RPGR: variants seen among roughly 807,000 people sequenced by gnomAD.
RPGR encodes X-linked retinitis pigmentosa GTPase regulator.
A neutral mutation model predicts 56.3 loss-of-function variants in RPGR; 10 were observed. The ratio of observed to expected loss-of-function variants is 0.18; its 90% CI spans 0.11 to 0.30. The LOEUF (loss-of-function observed/expected upper bound fraction) is 0.30. RPGR is among the 10% of genes least tolerant of loss of function. The probability of loss-of-function intolerance (pLI) is 1.00; values close to 1 mark genes in which losing one functional copy is unlikely to be tolerated. For missense variants in RPGR, 538 were observed against 590.9 expected (o/e 0.91, Z 0.93); for synonymous variants, 197 against 212.9 (o/e 0.93, Z 0.65).
At chrX:38,320,912 C>T (rs761181861) in intron 4 of RPGR, 115 bp downstream of exon 4, 2 of 587,203 alleles carry the variant, frequency 3.4e-6, no homozygotes, top group African/African-American at 2.3e-5. Flanking sequence ...TTTAAAAAAC[C>T]CTAATTTTAC....
intron 7 of RPGR, among the ~76,000 whole-genome samples, chrX:38,309,027 CTG>C (rs1312075150): frequency 8.0e-5 from 9 of 112,184 alleles, no homozygotes; most frequent in African/African-American, 2.9e-4. Context: ...ACTTCACAAA[CTG>C]TTAATTTTTT....
intron 16 of RPGR, among the ~76,000 whole-genome samples, chrX:38,275,998 T>A (rs779910701): frequency 8.9e-6 from 1 of 112,099 alleles, no homozygotes; most frequent in South Asian, 3.8e-4. Flanking sequence ...CCTAGCAAGG[T>A]CACTCTCAGT....
chrX:38,287,784 T>G, intron 14 of RPGR, 77 bp downstream of exon 14: 1 of 939,258 alleles, frequency 1.1e-6, no homozygotes, highest in Non-Finnish European at 1.5e-6. Flanking sequence ...CATTATTATT[T>G]TCATGTCTAT....
Position 38,301,648 on chromosome X carries a change from A to G in RPGR, c.935-277T>C, listed in dbSNP as rs140825561. 0.032 allele frequency among the ~76,000 whole-genome samples: 3,536 copies of G among 111,507 alleles called. 156 individuals carry two copies. Among genetic ancestry groups the G allele is most frequent in the African/African-American group, 0.11 (3,355 of 30,548 alleles). ...GCAGTGTGTGGAGCAGCAGCAATACAGAATGAGAATTTGAGATACACATCA... is the reference window on the plus strand; with the variant it reads ...GCAGTGTGTGGAGCAGCAGCAATACGGAATGAGAATTTGAGATACACATCA... On this transcript the variant is annotated intron_variant, in intron 8 of 18. Transcript: ENST00000642395.
At chrX:38,327,302 C>T in intron 1 of RPGR, 38 bp downstream of exon 1, 3 of 1,166,610 alleles carry the variant, frequency 2.6e-6, no homozygotes, top group Non-Finnish European at 3.4e-6. Flanking sequence ...GCGGACCCTC[C>T]CTCCCGGCCT....
chrX:38,321,036 C>A lies in RPGR; in HGVS notation c.301G>T (p.Val101Leu). The A allele has an allele frequency of 8.3e-7, 1 of 1,204,735 alleles. No individual in the cohort carries two copies. The highest frequency in any genetic ancestry group is 1.1e-6 in the Non-Finnish European group (1 of 889,085). ...AGGTTGAGCACTATACCTGTTGACA[C>A]CAGGGTGTGGTTCCTTCCACAGGCA... Residue 101 changes from valine (V) to leucine (L), a missense_variant, in exon 4 of 19, where the codon GTG (valine) becomes TTG (leucine). By Grantham distance (32) the Val-to-Leu change is conservative. Transcript: ENST00000642395.
chrX:38,323,565 T>A (rs1473405789), intron 1 of RPGR, 41 bp from the exon 2 acceptor site: 1 of 1,188,525 alleles, frequency 8.4e-7, no homozygotes, highest in Non-Finnish European at 1.1e-6. Context: ...ACTTTTACTA[T>A]GTTGCCTGTT....
chrX:38,275,482 A>G (rs1037904397), intron 16 of RPGR, among the ~76,000 whole-genome samples: 2 of 112,266 alleles, frequency 1.8e-5, no homozygotes, highest in Non-Finnish European at 3.8e-5. Flanking sequence ...AAATAATCTT[A>G]AGGACCACCC....
At chrX:38,316,997 C>G (rs190677143) in intron 6 of RPGR, among the ~76,000 whole-genome samples, 3 of 110,975 alleles carry the variant, frequency 2.7e-5, no homozygotes, top group Non-Finnish European at 5.7e-5. Context: ...AATATTTTAA[C>G]TAAGACAGAA....
chrX:38,277,348 G>A (rs973429881), intron 15 of RPGR, among the ~76,000 whole-genome samples: 5 of 111,739 alleles, frequency 4.5e-5, no homozygotes, highest in African/African-American at 1.6e-4. Flanking sequence ...CTGGCTACTG[G>A]CCAGCTAATC....
intron 7 of RPGR, among the ~76,000 whole-genome samples, chrX:38,306,762 A>C (rs975825420): frequency 8.0e-5 from 9 of 112,354 alleles, no homozygotes; most frequent in Admixed American, 5.7e-4. Context: ...CTGTGAAATG[A>C]GGCTGTTTAG....
rs1391249160 is a variant in RPGR, at chrX:38,315,836, T to TAG, written c.619+1479_619+1480insCT. 8.2e-3 allele frequency among the ~76,000 whole-genome samples: 713 copies of TAG among 86,856 alleles called. 5 individuals carry two copies. The highest frequency in any genetic ancestry group is 0.031 in the African/African-American group (642 of 20,863). 75.4% of individuals were successfully genotyped at this position (86,856 alleles called of 115,157 possible). On this transcript the variant is annotated intron_variant, in intron 6 of 18. Transcript: ENST00000642395. The stretch of plus-strand genomic sequence containing the variant: ...ATATATATACATATATATATATATA[T>TAG]ATAGAGAGAGAGAGAGAGAGAGAGT...
chrX:38,321,290 A>G (rs2067935007), intron 3 of RPGR, among the ~76,000 whole-genome samples: 1 of 111,543 alleles, frequency 9.0e-6, no homozygotes, highest in African/African-American at 3.3e-5. Flanking sequence ...AATACAATAT[A>G]GATATCTTAG....
chrX:38,321,064 T>C lies in RPGR; in HGVS notation c.273A>G (p.Leu91=). The stretch of plus-strand genomic sequence containing the variant: ...GGGTGTGGTTCCTTCCACAGGCAGC[T>C]AATTTCACTTTTTCAGGTTTTAGAG... Residue 91 remains leucine (L), a synonymous_variant, in exon 4 of 19, where the codon TTA becomes TTG. Coordinates refer to ENST00000642395, the MANE Select transcript of RPGR (RefSeq NM_000328.3). The C allele has an allele frequency of 1.7e-6, 2 of 1,204,463 alleles. No homozygotes were observed. The highest frequency in any genetic ancestry group is 3.0e-5 in the East Asian group (1 of 33,835).
intron 15 of RPGR, among the ~76,000 whole-genome samples, chrX:38,280,349 T>C (rs951864596): frequency 1.8e-5 from 2 of 110,914 alleles, no homozygotes; most frequent in Non-Finnish European, 3.8e-5. Flanking sequence ...AATAGTTCAT[T>C]TAAAACGTCC....
At position 38,322,334 on chromosome X, in the gene RPGR, T is replaced by C. The variant is rs187836773; in HGVS notation, c.247+519A>G. Reference sequence around the variant, plus strand: ...TATCTAATATTTTCTGGAACACTCCTGATTTCAAATATTTTGTCCTGTTGT... The same window carrying C: ...TATCTAATATTTTCTGGAACACTCCCGATTTCAAATATTTTGTCCTGTTGT... On this transcript the variant is annotated intron_variant, in intron 3 of 18. Coordinates refer to ENST00000642395, the MANE Select transcript of RPGR (RefSeq NM_000328.3). 5.4e-5 allele frequency among the ~76,000 whole-genome samples: 6 copies of C among 112,060 alleles called. No individual in the cohort carries two copies. The East Asian group carries it at 1.7e-3, about 31-fold the overall frequency.
At chrX:38,306,885 G>A (rs1323883281) in intron 7 of RPGR, among the ~76,000 whole-genome samples, 18 of 112,152 alleles carry the variant, frequency 1.6e-4, no homozygotes, top group Non-Finnish European at 2.4e-4. Flanking sequence ...GATTGAAGGC[G>A]CTCTTATTTA....
intron 11 of RPGR, among the ~76,000 whole-genome samples, chrX:38,293,747 C>T (rs929749133): frequency 3.6e-5 from 4 of 111,698 alleles, no homozygotes; most frequent in East Asian, 5.7e-4. Flanking sequence ...ATATTTGTAC[C>T]CAAGTTCTCA....
chrX:38,318,480 C>T (rs765468301), intron 5 of RPGR, among the ~76,000 whole-genome samples: 24 of 111,126 alleles, frequency 2.2e-4, no homozygotes, highest in Middle Eastern at 4.7e-3. Flanking sequence ...GTGGATGTTT[C>T]TGACAGCAAC....
Sources: allele counts gnomAD v4.1 joint callset (sites outside exome capture counted in the v4.1 genomes callset), GRCh38; gene constraint gnomAD v4.1.1; transcripts MANE v1.5; gene names NCBI Gene and HGNC (gene_info 2026-07-23, HGNC 2026-07-21).